The following CHST9 variants were observed in gnomAD, a reference collection of about 807,000 sequenced individuals.
CHST9 encodes GalNAc-4-sulfotransferase 2.
CHST9 carries 41 observed loss-of-function variants against 44.4 expected under a neutral mutation model. The ratio of observed to expected loss-of-function variants is 0.92; its 90% CI spans 0.72 to 1.20. The LOEUF (loss-of-function observed/expected upper bound fraction) is 1.20, where lower values mean the gene tolerates loss of function less well. CHST9 is among the 50% of genes most tolerant of loss of function. CHST9 has a pLI of 0.00. For synonymous variants in CHST9, 171 were observed against 178.4 expected (o/e 0.96, Z 0.33); for missense variants, 504 against 516.5 (o/e 0.98, Z 0.23).
chr18:27,057,415 A>G (rs775651654), intron 2 of CHST9, among the ~76,000 whole-genome samples: 4 of 152,210 alleles, frequency 2.6e-5, no homozygotes, highest in Non-Finnish European at 4.4e-5. Flanking sequence ...AGTTTATTTT[A>G]TAATTTATGG....
At chr18:27,144,880 TA>T in intron 1 of CHST9, among the ~76,000 whole-genome samples, 1 of 151,998 alleles carries the variant, frequency 6.6e-6, no homozygotes, top group South Asian at 2.1e-4. Context: ...CTACAGTCCT[TA>T]AGGCTGGCTG....
intron 5 of CHST9, chr18:26,935,482 T>C (rs2055971721): frequency 6.6e-6 from 1 of 152,204 alleles, no homozygotes; most frequent in South Asian, 2.1e-4. Context: ...ACAAAGTAGA[T>C]TATGCCTAAT....
intron 1 of CHST9, among the ~76,000 whole-genome samples, chr18:27,170,765 T>A (rs2143956539): frequency 6.6e-6 from 1 of 152,304 alleles, no homozygotes; most frequent in Non-Finnish European, 1.5e-5. Flanking sequence ...GCATACCTGC[T>A]AAATCGTGTA....
At chr18:26,958,388 A>C (rs767773365) in intron 4 of CHST9, among the ~76,000 whole-genome samples, 3 of 152,104 alleles carry the variant, frequency 2.0e-5, no homozygotes, top group Non-Finnish European at 4.4e-5. Flanking sequence ...AAAGAAAGGA[A>C]GCCTAGGAAA....
intron 5 of CHST9, among the ~76,000 whole-genome samples, chr18:26,926,511 TTTTATAGA>T (rs1334112068): frequency 1.3e-5 from 2 of 152,220 alleles, no homozygotes; most frequent in Admixed American, 6.5e-5. Flanking sequence ...TTCAATATGC[TTTTATAGA>T]TTTATCATTC....
chr18:27,134,909 TAGTC>T (rs1025949239), intron 2 of CHST9, among the ~76,000 whole-genome samples: 15 of 152,276 alleles, frequency 9.9e-5, no homozygotes, highest in South Asian at 2.1e-4. Flanking sequence ...TCTGGGGAGA[TAGTC>T]AGAAAACAAA....
chr18:27,127,198 G>A (rs1458671507), intron 2 of CHST9, among the ~76,000 whole-genome samples: 1 of 152,142 alleles, frequency 6.6e-6, no homozygotes, highest in Admixed American at 6.5e-5. Flanking sequence ...GGATCACACA[G>A]GGAATCCAAG....
intron 2 of CHST9, among the ~76,000 whole-genome samples, chr18:27,136,796 A>T (rs1260992875): frequency 6.6e-6 from 1 of 152,210 alleles, no homozygotes; most frequent in Non-Finnish European, 1.5e-5. Context: ...ATAGCTAAAA[A>T]AGTATTGGTC....
At chr18:26,918,879 C>G (rs1568090714) in intron 5 of CHST9, among the ~76,000 whole-genome samples, 1 of 151,972 alleles carries the variant, frequency 6.6e-6, no homozygotes, top group Non-Finnish European at 1.5e-5. Flanking sequence ...AGTCTGTTCT[C>G]ATGCTGCTAA....
intron 4 of CHST9, among the ~76,000 whole-genome samples, chr18:26,951,808 G>A (rs965418723): frequency 1.3e-5 from 2 of 152,138 alleles, no homozygotes; most frequent in Admixed American, 6.5e-5. Flanking sequence ...GGAATAATGT[G>A]CCACCTGTGT....
chr18:27,100,694 C>A (rs1438588628), intron 2 of CHST9, among the ~76,000 whole-genome samples: 2 of 152,136 alleles, frequency 1.3e-5, no homozygotes, highest in Non-Finnish European at 2.9e-5. Flanking sequence ...TAAAGTTGAA[C>A]AGAGCTCAGT....
intron 1 of CHST9, among the ~76,000 whole-genome samples, chr18:27,182,757 A>G (rs972866017): frequency 2.0e-5 from 3 of 152,182 alleles, no homozygotes; most frequent in Admixed American, 6.5e-5. Flanking sequence ...ATCCCAACTC[A>G]TCCAGATTCC....
rs761305003 is a variant in CHST9, at chr18:26,944,365, C to G, written c.204G>C (p.Met68Ile). ...TATGTTCCTGGATTTTTTCTGTACT[C>G]ACTGAAAGAGAAAGCAAAAAGAATT... is the stretch of plus-strand genomic sequence containing the variant. ...VKYLRPVPRI[M>I]STEKIQEHIT... The change falls in exon 5 of 6, where the codon ATG (methionine) becomes ATC (isoleucine). Residue 68 changes from methionine (M) to isoleucine (I), a missense_variant and splice_region_variant. Transcript: ENST00000618847. 1 of 1,605,228 alleles carries G rather than the reference C, an allele frequency of 6.2e-7. No individual in the cohort carries two copies.
intron 4 of CHST9, among the ~76,000 whole-genome samples, chr18:26,969,360 TTCTCTC>T (rs139727723): frequency 3.6e-4 from 46 of 128,672 alleles, no homozygotes; most frequent in African/African-American, 6.2e-4. Context: ...CCTTTTTTGA[TTCTCTC>T]TCTCTCTCTC....
At chr18:27,001,289 A>G (rs1029380002) in intron 4 of CHST9, among the ~76,000 whole-genome samples, 8 of 152,350 alleles carry the variant, frequency 5.3e-5, no homozygotes, top group African/African-American at 1.9e-4. Flanking sequence ...GTAGATTAAG[A>G]GGAGGAAGAG....
chr18:27,001,577 C>T lies in CHST9; in HGVS notation c.202+22539G>A, dbSNP rs1425297762. On this transcript the variant is annotated intron_variant, in intron 4 of 5. Coordinates refer to ENST00000618847, the MANE Select transcript of CHST9 (RefSeq NM_031422.6). ...AGGTTGGAGGCTAGTTGGCCTGCCTCTAACTTTGTCTTGCAGAGACTTCAT... is the reference window on the plus strand; with the variant it reads ...AGGTTGGAGGCTAGTTGGCCTGCCTTTAACTTTGTCTTGCAGAGACTTCAT... 2.0e-5 allele frequency among the ~76,000 whole-genome samples: 3 copies of T among 151,946 alleles called. No homozygotes were observed. The South Asian group carries it at 6.2e-4, about 32-fold the overall frequency.
In CHST9 at chr18:26,913,037, C is replaced by T. The variant is rs987466002; in HGVS notation, c.*3222G>A. On this transcript the variant is annotated 3_prime_UTR_variant, in exon 6 of 6. Coordinates refer to ENST00000618847, the MANE Select transcript of CHST9 (RefSeq NM_031422.6). ...CACATGAGAATGCACAGGAGGGAGA[C>T]GTTTACTGTAGTCCTAGCCTAATCC... The T allele has an allele frequency of 1.3e-5, 2 of 152,104 alleles. No homozygotes were observed. Among genetic ancestry groups the T allele is most frequent in the Non-Finnish European group, 2.9e-5 (2 of 68,022 alleles). 9.4% of individuals were successfully genotyped at this position (152,104 alleles called of 1,614,324 possible).
At chr18:27,160,900 A>G (rs1201933953) in intron 1 of CHST9, among the ~76,000 whole-genome samples, 1 of 152,056 alleles carries the variant, frequency 6.6e-6, no homozygotes, top group Admixed American at 6.6e-5. Flanking sequence ...ATTTGCGTGG[A>G]GGTGTTTGTA....
At chr18:27,161,559 G>A (rs944760454) in intron 1 of CHST9, among the ~76,000 whole-genome samples, 3 of 152,140 alleles carry the variant, frequency 2.0e-5, no homozygotes, top group South Asian at 4.2e-4. Context: ...AATAAGTGTG[G>A]TGTGGTGCCG....
Sources: gnomAD v4.1 joint callset for allele counts (sites outside exome capture counted in the v4.1 genomes callset) on GRCh38, gnomAD v4.1.1 for gene constraint, MANE v1.5 for transcripts, NCBI Gene and HGNC (gene_info 2026-07-23, HGNC 2026-07-21) for gene names.